The following TNKS variants were observed in gnomAD, a reference collection of about 807,000 sequenced individuals.
TNKS encodes poly [ADP-ribose] polymerase tankyrase-1.
TNKS carries 72 observed loss-of-function variants against 135.8 expected under a neutral mutation model. The observed-to-expected ratio is 0.53, with a 90% CI of 0.44 to 0.64. The LOEUF is 0.64. TNKS is among the 30% of genes least tolerant of loss of function. The probability of loss-of-function intolerance (pLI) is 0.00; values close to 1 mark genes in which losing one functional copy is unlikely to be tolerated. For missense variants in TNKS, 1,769 were observed against 1,674.0 expected (o/e 1.06, Z -0.99); for synonymous variants, 849 against 649.3 (o/e 1.31, Z -4.68).
At chr8:9,747,930 AG>A in intron 17 of TNKS, 93 bp from the exon 18 acceptor site, 1 of 1,176,816 alleles carries the variant, frequency 8.5e-7, no homozygotes, top group Non-Finnish European at 1.2e-6. Context: ...GGAGATACAG[AG>A]GAGTGAATTG....
chr8:9,703,859 A>G (rs909040854), intron 5 of TNKS, among the ~76,000 whole-genome samples: 5 of 152,194 alleles, frequency 3.3e-5, no homozygotes, highest in African/African-American at 4.8e-5. Context: ...GTTGCAGAGA[A>G]GTTTTTAATT....
intron 2 of TNKS, among the ~76,000 whole-genome samples, chr8:9,609,439 C>T (rs2128762796): frequency 6.6e-6 from 1 of 152,326 alleles, no homozygotes; most frequent in Non-Finnish European, 1.5e-5. Context: ...CCTGAGGTAT[C>T]ACCCTTGTTG....
rs1805651628 is a variant in TNKS at position 9,735,484 on chromosome 8, G to A, written c.2641G>A (p.Gly881Arg). 1 of 1,612,150 alleles carries A rather than the reference G, an allele frequency of 6.2e-7. No individual in the cohort carries two copies. The highest frequency in any genetic ancestry group is 8.5e-7 in the Non-Finnish European group (1 of 1,178,406). ...LIPLHNAASY[G>R]HVDIAALLIK... ...TCCTCTTCATAATGCGGCATCTTAT[G>A]GGGTAAGCATACTAACATTAAAATC... is the stretch of plus-strand genomic sequence containing the variant. The change falls in exon 17 of 27, where the codon GGG becomes AGG. Residue 881 changes from glycine to arginine, a missense_variant and splice_region_variant. Gly to Arg is a moderately radical substitution (Grantham distance 125, BLOSUM62 -2). Transcript: ENST00000310430.
chr8:9,683,321 T>C (rs1423442543), intron 5 of TNKS, among the ~76,000 whole-genome samples: 1 of 152,064 alleles, frequency 6.6e-6, no homozygotes, highest in Non-Finnish European at 1.5e-5. Context: ...CTAGTAGATA[T>C]GTAGTCCTTT....
intron 21 of TNKS, among the ~76,000 whole-genome samples, chr8:9,762,830 G>A (rs962504203): frequency 1.1e-4 from 16 of 151,596 alleles, no homozygotes; most frequent in African/African-American, 1.9e-4. Flanking sequence ...GTGTGAACCC[G>A]GGAGGCGGAG....
chr8:9,774,773 A>C (rs1808127944), intron 26 of TNKS, among the ~76,000 whole-genome samples: 1 of 152,212 alleles, frequency 6.6e-6, no homozygotes, highest in African/African-American at 2.4e-5. Flanking sequence ...GACGTGTGTC[A>C]GGGATCCCCT....
At position 9,736,627 on chromosome 8, in the gene TNKS, C is replaced by A. The variant is rs1805719784; in HGVS notation, c.2643+1141C>A. On this transcript the variant is annotated intron_variant, in intron 17 of 26. Coordinates refer to ENST00000310430, the MANE Select transcript of TNKS (RefSeq NM_003747.3). ...TTTCAGCTTTCTACATATGGCTAGC[C>A]AGTTTTCCCAGCACCATTTATTAAA... Among the ~76,000 whole-genome samples the A allele has an allele frequency of 7.2e-5, 9 of 125,502 alleles. No individual in the cohort carries two copies. The Admixed American group carries it at 8.0e-4, about 11-fold the overall frequency. 82.3% of individuals were successfully genotyped at this position (125,502 alleles called of 152,430 possible).
intron 5 of TNKS, among the ~76,000 whole-genome samples, chr8:9,691,501 A>C (rs1803267979): frequency 6.6e-6 from 1 of 152,190 alleles, no homozygotes; most frequent in African/African-American, 2.4e-5. Context: ...CATCCTATCT[A>C]GAACCTGAGC....
chr8:9,702,754 G>A (rs1446279854), intron 5 of TNKS, among the ~76,000 whole-genome samples: 3 of 152,158 alleles, frequency 2.0e-5, no homozygotes, highest in Non-Finnish European at 4.4e-5. Context: ...AGTGGCTCAC[G>A]CCTGTAATCC....
chr8:9,604,036 C>G (rs779156295), intron 2 of TNKS, among the ~76,000 whole-genome samples: 3 of 151,882 alleles, frequency 2.0e-5, no homozygotes, highest in African/African-American at 7.3e-5. Flanking sequence ...TTTAAAAATG[C>G]GAAATTTTGC....
intron 1 of TNKS, among the ~76,000 whole-genome samples, chr8:9,560,086 C>G (rs1797265622): frequency 6.6e-6 from 1 of 152,082 alleles, no homozygotes; most frequent in Non-Finnish European, 1.5e-5. Flanking sequence ...TAAAGTATAG[C>G]AGTCAAAATA....
At chr8:9,586,331 C>A (rs1239595435) in intron 2 of TNKS, among the ~76,000 whole-genome samples, 1 of 152,086 alleles carries the variant, frequency 6.6e-6, no homozygotes, top group African/African-American at 2.4e-5. Context: ...TCTAAATGAA[C>A]TAATGAAAGC....
intron 3 of TNKS, among the ~76,000 whole-genome samples, chr8:9,621,292 G>A (rs74301620): frequency 0.086 from 12,558 of 145,286 alleles, 558 homozygotes; most frequent in South Asian, 0.19. Context: ...ATGTCAAACC[G>A]AGGCCTTATT....
chr8:9,744,255 TCTG>T (rs1806122158), intron 17 of TNKS, among the ~76,000 whole-genome samples: 1 of 152,204 alleles, frequency 6.6e-6, no homozygotes, highest in South Asian at 2.1e-4. Context: ...AGTTAACTTT[TCTG>T]CTAAGTCAGT....
chr8:9,631,345 C>T (rs1047017619), intron 3 of TNKS, among the ~76,000 whole-genome samples: 2 of 152,136 alleles, frequency 1.3e-5, no homozygotes, highest in Non-Finnish European at 2.9e-5. Flanking sequence ...CTATCTAAGT[C>T]TTAGAATAAT....
intron 3 of TNKS, among the ~76,000 whole-genome samples, chr8:9,639,451 A>C (rs1230637280): frequency 6.6e-6 from 1 of 152,016 alleles, no homozygotes; most frequent in Non-Finnish European, 1.5e-5. Flanking sequence ...TGAAAAAATA[A>C]ATATGGTCAC....
intron 11 of TNKS, among the ~76,000 whole-genome samples, chr8:9,713,254 G>C (rs1463375444): frequency 6.6e-6 from 1 of 152,172 alleles, no homozygotes; most frequent in Non-Finnish European, 1.5e-5. Context: ...ACTAAGCTAA[G>C]TGACATTTCT....
At chr8:9,740,579 G>T (rs796544719) in intron 17 of TNKS, among the ~76,000 whole-genome samples, 16 of 152,268 alleles carry the variant, frequency 1.1e-4, no homozygotes, top group African/African-American at 3.9e-4. Flanking sequence ...ATGCTTCCAA[G>T]TATGATATAA....
intron 3 of TNKS, among the ~76,000 whole-genome samples, chr8:9,668,597 G>T (rs1231130352): frequency 6.6e-6 from 1 of 152,192 alleles, no homozygotes; most frequent in East Asian, 1.9e-4. Context: ...GCTAGGACTG[G>T]AATCTGTGCC....
Sources: allele counts gnomAD v4.1 joint callset (sites outside exome capture counted in the v4.1 genomes callset), GRCh38; gene constraint gnomAD v4.1.1; transcripts MANE v1.5; gene names NCBI Gene and HGNC (gene_info 2026-07-23, HGNC 2026-07-21).